The following ESRRG variants were observed in gnomAD, a reference collection of about 807,000 sequenced individuals.
ESRRG encodes estrogen-related receptor gamma.
In ESRRG, 13 loss-of-function variants were observed where a neutral mutation model predicts 44.0. The ratio of observed to expected loss-of-function variants is 0.30; its 90% CI spans 0.19 to 0.47. ESRRG has a LOEUF of 0.47. ESRRG is among the 20% of genes least tolerant of loss of function. The probability of loss-of-function intolerance (pLI) is 1.00; values close to 1 mark genes in which losing one functional copy is unlikely to be tolerated. For synonymous variants in ESRRG, 215 were observed against 214.6 expected, an observed-to-expected ratio of 1.00 and a Z score of -0.02; for missense variants, 395 against 580.6, an observed-to-expected ratio of 0.68 and a Z score of 3.29.
chr1:216,831,180 T>A (rs534231980), intron 2 of ESRRG, among the ~76,000 whole-genome samples: 12 of 151,792 alleles, frequency 7.9e-5, no homozygotes, highest in African/African-American at 2.2e-4. Flanking sequence ...GAGGAGGAGT[T>A]ACGTGTCTGG....
chr1:216,755,529 A>C (rs529050501), intron 2 of ESRRG, among the ~76,000 whole-genome samples: 23 of 152,196 alleles, frequency 1.5e-4, no homozygotes, highest in Admixed American at 3.3e-4. Context: ...AGCATATTAT[A>C]CTGTGGTTGG....
intron 3 of ESRRG, among the ~76,000 whole-genome samples, chr1:216,629,998 C>T (rs2063851188): frequency 6.6e-6 from 1 of 152,094 alleles, no homozygotes; most frequent in South Asian, 2.1e-4. Flanking sequence ...AGGCCAACTC[C>T]CTCTCCACAA....
At chr1:217,109,435 T>A (rs2092636154) in intron 1 of ESRRG, among the ~76,000 whole-genome samples, 1 of 152,154 alleles carries the variant, frequency 6.6e-6, no homozygotes, top group Admixed American at 6.5e-5. Context: ...GCAAAGTCCC[T>A]TTTCTAATGA....
At chr1:216,709,766 G>A (rs779882172) in intron 1 of ESRRG, among the ~76,000 whole-genome samples, 9 of 151,538 alleles carry the variant, frequency 5.9e-5, no homozygotes, top group Middle Eastern at 3.4e-3. Context: ...GTGGTTTGCC[G>A]ACCTTGGTGA....
Position 216,922,861 on chromosome 1 carries a change from G to A in ESRRG, c.-14+16721C>T, listed in dbSNP as rs112185671. The stretch of plus-strand genomic sequence containing the variant: ...GGCAGCAAGAGCCATACTGTTGTGC[G>A]CCATACGGGTATTTGACACCCCAGT... On this transcript the variant is annotated intron_variant, in intron 2 of 7. Transcript: ENST00000359162. Among the ~76,000 whole-genome samples the A allele has an allele frequency of 6.6e-3, 998 of 152,210 alleles. 10 individuals carry two copies. The highest frequency in any genetic ancestry group is 0.023 in the African/African-American group (952 of 41,528).
intron 2 of ESRRG, among the ~76,000 whole-genome samples, chr1:216,845,077 T>G (rs968526587): frequency 5.9e-5 from 9 of 152,146 alleles, no homozygotes; most frequent in Non-Finnish European, 1.3e-4. Context: ...TTTTATTGTC[T>G]TACTATTTTT....
chr1:216,805,734 G>GAA (rs57697657), intron 2 of ESRRG, among the ~76,000 whole-genome samples: 3 of 136,230 alleles, frequency 2.2e-5, no homozygotes, highest in African/African-American at 5.4e-5. Context: ...TTTGTAATTG[G>GAA]AAAAAAAAAA....
chr1:216,630,657 C>A (rs1384972398), intron 3 of ESRRG, among the ~76,000 whole-genome samples: 1 of 152,132 alleles, frequency 6.6e-6, no homozygotes, highest in Non-Finnish European at 1.5e-5. Flanking sequence ...TACTACTGTT[C>A]TCTGAACAAA....
At chr1:216,571,106 C>T (rs187745236) in intron 3 of ESRRG, among the ~76,000 whole-genome samples, 1 of 152,132 alleles carries the variant, frequency 6.6e-6, no homozygotes, top group East Asian at 1.9e-4. Flanking sequence ...GCTAAGTCTA[C>T]AGAGGAAGTG....
At chr1:216,743,812 G>C (rs2091049876) in intron 2 of ESRRG, among the ~76,000 whole-genome samples, 1 of 152,168 alleles carries the variant, frequency 6.6e-6, no homozygotes, top group Non-Finnish European at 1.5e-5. Context: ...TAGTTCATCT[G>C]AACCTCACAA....
chr1:217,137,220 T>G (rs2093061983), intron 1 of ESRRG, among the ~76,000 whole-genome samples: 1 of 152,210 alleles, frequency 6.6e-6, no homozygotes, highest in South Asian at 2.1e-4. Context: ...CCATGCAGTT[T>G]ATGTAGTGGC....
At chr1:217,081,221 C>CTTTTTTTTTTTTTTTTTTT (rs143325476) in intron 1 of ESRRG, among the ~76,000 whole-genome samples, 2 of 70,410 alleles carry the variant, frequency 2.8e-5, no homozygotes, top group African/African-American at 6.0e-5. Flanking sequence ...TAAAAATATT[C>CTTTTTTTTTTTTTTTTTTT]TTTTTTTTTT....
intron 2 of ESRRG, among the ~76,000 whole-genome samples, chr1:216,883,260 C>T (rs1275806455): frequency 6.6e-6 from 1 of 151,816 alleles, no homozygotes; most frequent in African/African-American, 2.4e-5. Flanking sequence ...GTGGCAGGTG[C>T]CTTAATTCCA....
Position 216,919,995 on chromosome 1 carries a change from G to T in ESRRG, c.-14+19587C>A, listed in dbSNP as rs955490997. ...GATGCCAGGCGAAGCCTACAAAAGGGTAGCACTACGATACAAGAGAACATC... is the reference window on the plus strand; with the variant it reads ...GATGCCAGGCGAAGCCTACAAAAGGTTAGCACTACGATACAAGAGAACATC... On this transcript the variant is annotated intron_variant, in intron 2 of 7. Coordinates refer to the ESRRG transcript ENST00000359162. Among the ~76,000 whole-genome samples the T allele has an allele frequency of 2.0e-5, 3 of 152,278 alleles. No homozygotes were observed. The East Asian group carries it at 5.8e-4, about 29-fold the overall frequency.
chr1:216,574,366 G>T (rs1297989488), intron 3 of ESRRG, among the ~76,000 whole-genome samples: 1 of 152,066 alleles, frequency 6.6e-6, no homozygotes, highest in Non-Finnish European at 1.5e-5. Flanking sequence ...ATGCTGTGAG[G>T]CAAATAAACA....
At chr1:217,086,869 C>T (rs2092111586) in intron 1 of ESRRG, among the ~76,000 whole-genome samples, 1 of 152,190 alleles carries the variant, frequency 6.6e-6, no homozygotes, top group African/African-American at 2.4e-5. Flanking sequence ...CATACTTTAA[C>T]CTCCTTGGAT....
At chr1:216,781,561 G>A (rs771773279) in intron 2 of ESRRG, among the ~76,000 whole-genome samples, 3 of 151,884 alleles carry the variant, frequency 2.0e-5, no homozygotes, top group Admixed American at 6.6e-5. Context: ...CAAACATACC[G>A]TCACAGTTCA....
chr1:216,809,133 A>G (rs1405402277), intron 2 of ESRRG, among the ~76,000 whole-genome samples: 1 of 152,136 alleles, frequency 6.6e-6, no homozygotes, highest in Non-Finnish European at 1.5e-5. Flanking sequence ...TTTTCCAACT[A>G]TATCTTTTTG....
chr1:216,879,743 G>A (rs549362991), intron 2 of ESRRG, among the ~76,000 whole-genome samples: 1 of 152,170 alleles, frequency 6.6e-6, no homozygotes, highest in African/African-American at 2.4e-5. Context: ...CCTCCCTCTA[G>A]AGTAGGAGAA....
Sources: gnomAD v4.1 joint callset for allele counts (sites outside exome capture counted in the v4.1 genomes callset) on GRCh38, gnomAD v4.1.1 for gene constraint, MANE v1.5 for transcripts, NCBI Gene and HGNC (gene_info 2026-07-23, HGNC 2026-07-21) for gene names.